Variants in TMTC3 observed in about 807,000 individuals in gnomAD.
TMTC3 encodes the protein protein O-mannosyl-transferase TMTC3.
In TMTC3, 52 loss-of-function variants were observed where a neutral mutation model predicts 92.2. That is an observed-to-expected ratio of 0.56 (90% CI 0.45 to 0.71). The LOEUF (loss-of-function observed/expected upper bound fraction) is 0.71, where lower values mean the gene tolerates loss of function less well. TMTC3 is among the 30% of genes least tolerant of loss of function. TMTC3 has a pLI of 0.00. For synonymous variants in TMTC3, 339 were observed against 363.3 expected, an observed-to-expected ratio of 0.93 and a Z score of 0.76; for missense variants, 896 against 1,057.1, an observed-to-expected ratio of 0.85 and a Z score of 2.11.
chr12:88,191,691 C>T (rs1323465818), intron 12 of TMTC3, among the ~76,000 whole-genome samples: 19 of 151,140 alleles, frequency 1.3e-4, no homozygotes, highest in Admixed American at 1.3e-3. Flanking sequence ...ACCTGTTCAG[C>T]TTTTTTTTAG....
Position 88,190,531 on chromosome 12 carries a change from C to G in TMTC3, c.1615C>G (p.Arg539Gly), listed in dbSNP as rs756830946. ...NVYINLANLI[R>G]ANESRLEEAD... The stretch of plus-strand genomic sequence containing the variant: ...TTATATCAATCTGGCTAACCTGATC[C>G]GAGCAAATGAGTCCCGACTGGAAGA... Residue 539 changes from arginine to glycine, a missense_variant, in exon 12 of 14, where the codon CGA becomes GGA. Arg to Gly is a moderately radical substitution (Grantham distance 125, BLOSUM62 -2). Coordinates refer to ENST00000266712, the MANE Select transcript of TMTC3 (RefSeq NM_181783.4). 23 of 1,613,862 alleles carry G rather than the reference C, an allele frequency of 1.4e-5. No homozygotes were observed. Among genetic ancestry groups the G allele is most frequent in the Non-Finnish European group, 1.9e-5 (22 of 1,179,918 alleles).
At position 88,172,731 on chromosome 12, in the gene TMTC3, A is replaced by G. The variant is rs900644499; in HGVS notation, c.1185A>G (p.Lys395=). 2.5e-6 allele frequency: 4 copies of G among 1,597,826 alleles called. No homozygotes were observed. Among genetic ancestry groups the G allele is most frequent in the Non-Finnish European group, 3.4e-6 (4 of 1,174,586 alleles). The change falls in exon 8 of 14, where the codon AAA becomes AAG. Residue 395 remains lysine, a synonymous_variant. Coordinates refer to ENST00000266712, the MANE Select transcript of TMTC3 (RefSeq NM_181783.4). ...FCILVAHGWQ[K]ISTKSVFKKL... ...TTTTGGTAGCCCATGGATGGCAGAA[A>G]ATATCAACAAAAAGGTGAATTTAAA...
intron 3 of TMTC3, among the ~76,000 whole-genome samples, 194 bp downstream of exon 3, chr12:88,153,703 A>G (rs2040972446): frequency 6.6e-6 from 1 of 152,028 alleles, no homozygotes; most frequent in South Asian, 2.1e-4. Context: ...ACTGTGTAAA[A>G]TTTTTAAATT....
At chr12:88,177,192 G>T (rs78098078) in intron 10 of TMTC3, among the ~76,000 whole-genome samples, 10,548 of 151,934 alleles carry the variant, frequency 0.069, 1,236 homozygotes, top group African/African-American at 0.24. Flanking sequence ...CAGGTATTGT[G>T]GTGGGCGCCT....
At chr12:88,152,743 T>G (rs940043802) in intron 2 of TMTC3, among the ~76,000 whole-genome samples, 1 of 152,244 alleles carries the variant, frequency 6.6e-6, no homozygotes, top group Non-Finnish European at 1.5e-5. Context: ...CTTGTATTAC[T>G]CTCTGTAATT....
intron 10 of TMTC3, among the ~76,000 whole-genome samples, chr12:88,187,758 A>G (rs2041395250): frequency 6.6e-6 from 1 of 152,200 alleles, no homozygotes; most frequent in African/African-American, 2.4e-5. Flanking sequence ...TTGCAGGCAA[A>G]GAATTATTGC....
At position 88,160,115 on chromosome 12, in the gene TMTC3, A is replaced by G. The variant is rs772768755; in HGVS notation, c.510A>G (p.Ile170Met). ...ATATTTTCTGTTCTCAAATTGCAGT[A>G]TGGACTCCAATTGCCTTGACAGTGT... is the stretch of plus-strand genomic sequence containing the variant. ...TRSKGPDNSI[I>M]WTPIALTVFL... The change falls in exon 5 of 14, where the codon ATA becomes ATG. Residue 170 changes from isoleucine to methionine, a missense_variant and splice_region_variant. Physicochemically the swap from Ile to Met is conservative, Grantham distance 10. Transcript: ENST00000266712. 16 of 1,554,472 alleles carry G rather than the reference A, an allele frequency of 1.0e-5. No individual in the cohort carries two copies. Among genetic ancestry groups the G allele is most frequent in the South Asian group, 9.8e-5 (8 of 81,772 alleles).
At chr12:88,190,973 C>G (rs2041435713) in intron 12 of TMTC3, among the ~76,000 whole-genome samples, 1 of 152,046 alleles carries the variant, frequency 6.6e-6, no homozygotes, top group South Asian at 2.1e-4. Context: ...TAATATCAAA[C>G]TCTCAGGAAC....
chr12:88,190,207 A>T lies in TMTC3; in HGVS notation c.1537-246A>T, dbSNP rs147315692. 1.4e-4 allele frequency among the ~76,000 whole-genome samples: 22 copies of T among 152,282 alleles called. No individual in the cohort carries two copies. In the East Asian group the frequency reaches 3.9e-3, roughly 27 times the overall value. On this transcript the variant is annotated intron_variant, in intron 11 of 13. Coordinates refer to ENST00000266712, the MANE Select transcript of TMTC3 (RefSeq NM_181783.4). ...GCATTAAGGATATATTTTTTCATTC[A>T]TGCCACCTCAGTGGATTATTAGCTT...
chr12:88,144,070 C>T (rs964328417), intron 1 of TMTC3, among the ~76,000 whole-genome samples: 2 of 152,178 alleles, frequency 1.3e-5, no homozygotes, highest in East Asian at 1.9e-4. Context: ...AGACGTCCCA[C>T]CTTTCTCGCC....
chr12:88,153,712 T>C (rs2040972523), intron 3 of TMTC3, among the ~76,000 whole-genome samples: 1 of 152,086 alleles, frequency 6.6e-6, no homozygotes, highest in Non-Finnish European at 1.5e-5. Flanking sequence ...AATTTTTAAA[T>C]TTAACATTTT....
intron 8 of TMTC3, among the ~76,000 whole-genome samples, chr12:88,173,542 C>A (rs2041227698): frequency 6.6e-6 from 1 of 151,978 alleles, no homozygotes; most frequent in Admixed American, 6.6e-5. Context: ...AAGTATTTGT[C>A]CTGATTAATT....
intron 13 of TMTC3, among the ~76,000 whole-genome samples, chr12:88,193,549 A>G (rs1467701208): frequency 6.6e-6 from 1 of 152,196 alleles, no homozygotes; most frequent in Admixed American, 6.5e-5. Flanking sequence ...GTAGTATTTT[A>G]GAGCTAAAGA....
chr12:88,148,955 T>C (rs1231302782), intron 2 of TMTC3, among the ~76,000 whole-genome samples: 2 of 152,124 alleles, frequency 1.3e-5, no homozygotes, highest in Non-Finnish European at 2.9e-5. Context: ...GCCTGTTTCT[T>C]GCTAATTGAC....
chr12:88,178,295 G>A (rs2041281063), intron 10 of TMTC3, among the ~76,000 whole-genome samples: 1 of 152,180 alleles, frequency 6.6e-6, no homozygotes, highest in South Asian at 2.1e-4. Context: ...AGCCCTTCAT[G>A]TAGTTTAGTT....
chr12:88,158,885 C>G (rs140963665), intron 4 of TMTC3, among the ~76,000 whole-genome samples: 1 of 151,764 alleles, frequency 6.6e-6, no homozygotes, highest in Non-Finnish European at 1.5e-5. Context: ...AATCCCGTCT[C>G]TACTAAAAAA....
chr12:88,169,562 G>A (rs1479078075), intron 7 of TMTC3, among the ~76,000 whole-genome samples: 1 of 152,092 alleles, frequency 6.6e-6, no homozygotes, highest in Non-Finnish European at 1.5e-5. Flanking sequence ...GCACCTACCA[G>A]ATACCATGTT....
Position 88,195,547 on chromosome 12 carries a change from G to A in TMTC3, c.2643G>A (p.Glu881=). The A allele has an allele frequency of 1.2e-6, 2 of 1,613,200 alleles. No homozygotes were observed. The highest frequency in any genetic ancestry group is 2.2e-5 in the East Asian group (1 of 44,760). The change falls in exon 14 of 14, where the codon GAG becomes GAA. Residue 881 remains glutamate, a synonymous_variant. Coordinates refer to ENST00000266712, the MANE Select transcript of TMTC3 (RefSeq NM_181783.4). ...NKQLGKNGDE[E]TPHKTTKDIK... is the part of the protein sequence containing the mutation. ...AATTAGGAAAAAATGGAGACGAAGA[G>A]ACACCCCACAAAACAACAAAAGACA...
intron 6 of TMTC3, among the ~76,000 whole-genome samples, chr12:88,163,562 G>C (rs1398819017): frequency 6.6e-6 from 1 of 152,114 alleles, no homozygotes; most frequent in Non-Finnish European, 1.5e-5. Flanking sequence ...CCTTCTGGAG[G>C]CTCTAAGGAA....
Sources: gnomAD v4.1 joint callset for allele counts (sites outside exome capture counted in the v4.1 genomes callset) on GRCh38, gnomAD v4.1.1 for gene constraint, MANE v1.5 for transcripts, NCBI Gene and HGNC (gene_info 2026-07-23, HGNC 2026-07-21) for gene names.